The following SLC34A1 variants were observed in gnomAD, a reference collection of about 807,000 sequenced individuals.
SLC34A1 encodes the protein sodium-dependent phosphate transport protein 2A.
Under a neutral mutation model 51.4 loss-of-function variants are expected in SLC34A1, and 57 were observed. That is an observed-to-expected ratio of 1.11 (90% CI 0.90 to 1.38). SLC34A1 has a LOEUF of 1.38. Among genes scored for constraint, SLC34A1 ranks in the 40% most tolerant of loss-of-function variants. The pLI is 0.00. For synonymous variants in SLC34A1, 368 were observed against 358.0 expected (o/e 1.03, Z -0.32); for missense variants, 796 against 835.6 (o/e 0.95, Z 0.58).
At position 177,389,848 on chromosome 5, in the gene SLC34A1, G is replaced by T. The variant is rs984472116; in HGVS notation, c.936+1476G>T. The T allele has an allele frequency of 6.8e-6, 10 of 1,475,458 alleles. No individual in the cohort carries two copies. In the South Asian group the frequency reaches 1.3e-4, roughly 20 times the overall value. 91.4% of individuals were successfully genotyped at this position (1,475,458 alleles called of 1,614,324 possible). A position where few individuals can be genotyped will look rare whatever the true frequency, so the allele number is the denominator to read the frequency against. On this transcript the variant is annotated intron_variant, in intron 8 of 12. Coordinates refer to ENST00000324417, the MANE Select transcript of SLC34A1 (RefSeq NM_003052.5). The stretch of plus-strand genomic sequence containing the variant: ...AGGCCGCCCTTGGGCCTTTCTCTAC[G>T]GCTGCAGCTGACACTTGTCCAGCTG...
chr5:177,387,748 T>C lies in SLC34A1; in HGVS notation c.533-14T>C, dbSNP rs1190098904. The C allele has an allele frequency of 3.1e-6, 5 of 1,608,502 alleles. No individual in the cohort carries two copies. The Admixed American group carries it at 6.7e-5, about 21-fold the overall frequency. On this transcript the variant is annotated splice_polypyrimidine_tract_variant and intron_variant, in intron 5 of 12. Transcript: ENST00000324417. ...TGACCGTCAAATTCATTAGGACGTCTTCTCTTCTACCAGTGCTGGAGGTGA... is the reference window on the plus strand; with the variant it reads ...TGACCGTCAAATTCATTAGGACGTCCTCTCTTCTACCAGTGCTGGAGGTGA...
rs772237389 is a variant in SLC34A1 at position 177,393,739 on chromosome 5, C to G, written c.982C>G (p.Leu328Val). ...SRAEANSSQT[L>V]GNATMEKCNH... ...AGCAGAGGCCAACTCCAGCCAGACC[C>G]TTGGAAATGCCACCATGGAGAAATG... Residue 328 changes from leucine to valine, a missense_variant, in exon 9 of 13, where the codon CTT becomes GTT. Transcript: ENST00000324417. The G allele has an allele frequency of 6.2e-7, 1 of 1,614,208 alleles. No individual in the cohort carries two copies. The highest frequency in any genetic ancestry group is 1.7e-5 in the Admixed American group (1 of 60,032).
rs1474329051 is a variant in SLC34A1, at chr5:177,389,566, C to G, written c.936+1194C>G. The G allele has an allele frequency of 7.2e-6, 11 of 1,530,306 alleles. No individual in the cohort carries two copies. In the Admixed American group the frequency reaches 2.2e-4, roughly 30 times the overall value. The allele number at this position is 1,530,306 out of a possible 1,614,324, so 94.8% of individuals were successfully genotyped here. The stretch of plus-strand genomic sequence containing the variant: ...TGACTTCATGACCTCTTTAATACAT[C>G]AACCACTTTCTCACGAGCTCTCTGA... On this transcript the variant is annotated intron_variant, in intron 8 of 12. Transcript: ENST00000324417.
chr5:177,398,282 T>C lies in SLC34A1; in HGVS notation c.1916T>C (p.Leu639Pro). Residue 639 changes from leucine (L) to proline (P), a missense_variant, in exon 13 of 13, where the codon CTC (leucine) becomes CCC (proline). Leu to Pro is a moderately conservative substitution (Grantham distance 98, BLOSUM62 -3). Coordinates refer to ENST00000324417, the MANE Select transcript of SLC34A1 (RefSeq NM_003052.5). The surrounding 1 kb of genome is among the most constrained non-coding windows in gnomAD (Gnocchi z 4.7). ...ALPAHHNATRL is the reference protein window; with the variant it reads ...ALPAHHNATRP ...CCTGCTCACCACAATGCCACCCGCC[T>C]CTAGGCTGTGGGCCCAGACTACAGC... 6.3e-7 allele frequency: 1 copy of C among 1,599,378 alleles called. No homozygotes were observed. The highest frequency in any genetic ancestry group is 8.5e-7 in the Non-Finnish European group (1 of 1,179,914).
In SLC34A1 at chr5:177,398,477, G is replaced by A; in HGVS notation, c.*191G>A. Reference sequence around the variant, plus strand: ...TGCATGTGTGGGGGTGAGTCTGCATGTGCACCTGTCATGTGTAGAAGCTTG... The same window carrying A: ...TGCATGTGTGGGGGTGAGTCTGCATATGCACCTGTCATGTGTAGAAGCTTG... On this transcript the variant is annotated 3_prime_UTR_variant, in exon 13 of 13. Coordinates refer to ENST00000324417, the MANE Select transcript of SLC34A1 (RefSeq NM_003052.5). The surrounding 1 kb of genome is among the most constrained non-coding windows in gnomAD (Gnocchi z 4.7). The A allele has an allele frequency of 1.4e-6, 1 of 698,164 alleles. No individual in the cohort carries two copies. The highest frequency in any genetic ancestry group is 2.6e-6 in the Non-Finnish European group (1 of 391,570). The allele number at this position is 698,164 out of a possible 1,614,324, so 43.2% of individuals were successfully genotyped here.
At position 177,397,800 on chromosome 5, in the gene SLC34A1, C is replaced by A; in HGVS notation, c.1434C>A (p.Phe478Leu). ...SSAFQIALCHFFFNISGILLW... is the reference protein window; with the variant it reads ...SSAFQIALCHLFFNISGILLW... ...CCCTGCAGATTGCCCTCTGTCACTT[C>A]TTCTTCAACATCTCGGGTATCCTTC... is the stretch of plus-strand genomic sequence containing the variant. Residue 478 changes from phenylalanine to leucine, a missense_variant, in exon 13 of 13, where the codon TTC becomes TTA. Transcript: ENST00000324417. The A allele has an allele frequency of 6.2e-7, 1 of 1,611,270 alleles. No homozygotes were observed.
Position 177,394,196 on chromosome 5 carries a change from G to A in SLC34A1, c.1174+1G>A, listed in dbSNP as rs765036417. 2 of 1,613,800 alleles carry A rather than the reference G, an allele frequency of 1.2e-6. No homozygotes were observed. The highest frequency in any genetic ancestry group is 1.1e-5 in the South Asian group (1 of 91,094). On this transcript the variant is annotated splice_donor_variant, in intron 10 of 12. Transcript: ENST00000324417. LOFTEE classifies it high-confidence loss of function. ...GTCATCCAGAAGGTCATCAATACGG[G>A]TGAGCTGCGAGCAGTTGACTGGGCA...
At chr5:177,390,275 C>T (rs1005775238) in intron 8 of SLC34A1, 2 of 989,442 alleles carry the variant, frequency 2.0e-6, no homozygotes, top group East Asian at 1.1e-4. Flanking sequence ...TGATCAGACA[C>T]TTGAGTCTCC....
At chr5:177,390,190 G>T in intron 8 of SLC34A1, 1 of 1,000,874 alleles carries the variant, frequency 1.0e-6, no homozygotes, top group South Asian at 4.2e-5. Flanking sequence ...CAGTCTCCAG[G>T]GAAGCTATGC....
In SLC34A1 at chr5:177,388,430, T is replaced by C; in HGVS notation, c.936+58T>C. 2 of 1,416,960 alleles carry C rather than the reference T, an allele frequency of 1.4e-6. No homozygotes were observed. Among genetic ancestry groups the C allele is most frequent in the Non-Finnish European group, 2.0e-6 (2 of 1,002,488 alleles). 87.8% of individuals were successfully genotyped at this position (1,416,960 alleles called of 1,614,324 possible). On this transcript the variant is annotated intron_variant, in intron 8 of 12. Transcript: ENST00000324417. This position sits in a 1 kb window ranked among gnomAD's most constrained non-coding sequence, Gnocchi z 4.3. ...CTCCCTCTTCAGACTCTTGGTTTCA[T>C]TGTCTGTTCAAAATGCTCCAGATAG...
At chr5:177,397,323 A>T in intron 12 of SLC34A1, 2 of 542,776 alleles carry the variant, frequency 3.7e-6, no homozygotes, top group Non-Finnish European at 6.6e-6. Flanking sequence ...CATAAGGAAG[A>T]GGAAGAGGAA....
At chr5:177,389,830 C>G in intron 8 of SLC34A1, 1 of 1,502,718 alleles carries the variant, frequency 6.7e-7, no homozygotes, top group Non-Finnish European at 8.9e-7. Context: ...GGGAGGCCGC[C>G]CTTGGGCCTT....
At chr5:177,387,689 G>A (rs994585774) in intron 5 of SLC34A1, 73 bp from the exon 6 acceptor site, 104 of 1,253,398 alleles carry the variant, frequency 8.3e-5, no homozygotes, top group South Asian at 3.1e-4. Flanking sequence ...TGGGTGGGGG[G>A]CCTGACAGGA....
chr5:177,392,283 G>A (rs570866629), intron 8 of SLC34A1, among the ~76,000 whole-genome samples: 9 of 152,264 alleles, frequency 5.9e-5, no homozygotes, highest in South Asian at 2.1e-4. Context: ...CCAACATGGC[G>A]AAACCCCATC....
At chr5:177,397,379 C>T (rs1236292555) in intron 12 of SLC34A1, 16 of 494,356 alleles carry the variant, frequency 3.2e-5, no homozygotes, top group African/African-American at 3.9e-5. Context: ...GAATCCATTG[C>T]GGGGGTCAAG....
chr5:177,387,338 TGAGCC>T (rs1415372434), intron 5 of SLC34A1, among the ~76,000 whole-genome samples: 3 of 151,970 alleles, frequency 2.0e-5, no homozygotes, highest in African/African-American at 7.3e-5. Context: ...GAGCTTGCAG[TGAGCC>T]GAGATCATGC....
At position 177,386,479 on chromosome 5, in the gene SLC34A1, G is replaced by A. The variant is rs768548093; in HGVS notation, c.445G>A (p.Gly149Arg). ...DNAILSNPVA[G>R]LVVGILVTVL... ...CGCCATCCTGTCCAACCCGGTGGCC[G>A]GGCTGGTGGTGGGGATCCTGGTGAC... Residue 149 changes from glycine to arginine, a missense_variant, in exon 5 of 13, where the codon GGG (glycine) becomes AGG (arginine). By Grantham distance (125) the Gly-to-Arg change is moderately radical. Coordinates refer to ENST00000324417, the MANE Select transcript of SLC34A1 (RefSeq NM_003052.5). The surrounding 1 kb of genome is among the most constrained non-coding windows in gnomAD (Gnocchi z 4.8). 28 of 1,614,204 alleles carry A rather than the reference G, an allele frequency of 1.7e-5. No individual in the cohort carries two copies. Among genetic ancestry groups the A allele is most frequent in the East Asian group, 2.2e-5 (1 of 44,876 alleles).
At position 177,388,286 on chromosome 5, in the gene SLC34A1, T is replaced by C; in HGVS notation, c.850T>C (p.Ser284Pro). 6.2e-7 allele frequency: 1 copy of C among 1,613,928 alleles called. No homozygotes were observed. Among genetic ancestry groups the C allele is most frequent in the Non-Finnish European group, 8.5e-7 (1 of 1,179,974 alleles). The change falls in exon 8 of 13, where the codon TCT becomes CCT. Residue 284 changes from serine (S) to proline (P), a missense_variant. By Grantham distance (74) the Ser-to-Pro change is moderately conservative (BLOSUM62 -1). Coordinates refer to ENST00000324417, the MANE Select transcript of SLC34A1 (RefSeq NM_003052.5). The surrounding 1 kb of genome is among the most constrained non-coding windows in gnomAD (Gnocchi z 4.3). ...CACATCTTGCCCACAGCTGGACGAG[T>C]CTGTGATAACCAGCATTGCCACTGG... ...FTKLIIQLDESVITSIATGDE... is the reference protein window; with the variant it reads ...FTKLIIQLDEPVITSIATGDE...
chr5:177,397,718 T>G, intron 12 of SLC34A1, 65 bp from the exon 13 acceptor site: 16 of 1,596,296 alleles, frequency 1.0e-5, no homozygotes, highest in Non-Finnish European at 1.3e-5. Flanking sequence ...CATCTACCCC[T>G]GCTGGCCTGA....
Sources: gnomAD v4.1 joint callset for allele counts (sites outside exome capture counted in the v4.1 genomes callset) on GRCh38, gnomAD v4.1.1 for gene constraint, Gnocchi (gnomAD v3.1) non-coding constraint, MANE v1.5 for transcripts, NCBI Gene and HGNC (gene_info 2026-07-23, HGNC 2026-07-21) for gene names.